The following RPL8 variants were observed in gnomAD, a reference collection of about 807,000 sequenced individuals.
RPL8 encodes the protein ribosomal protein L8, also known as large ribosomal subunit protein uL2.
For missense variants in RPL8, 248 were observed against 365.9 expected, an observed-to-expected ratio of 0.68 and a Z score of 2.63; for synonymous variants, 182 against 143.2, an observed-to-expected ratio of 1.27 and a Z score of -1.94.
chr8:144,790,292 G>A (rs1442900144), intron 4 of RPL8, 63 bp downstream of exon 4: 12 of 1,374,926 alleles, frequency 8.7e-6, no homozygotes, highest in East Asian at 4.6e-5. Flanking sequence ...GATGGGACTT[G>A]CCTACCCAAC....
intron 3 of RPL8, chr8:144,790,987 A>C: frequency 2.0e-6 from 1 of 501,396 alleles, no homozygotes; most frequent in Non-Finnish European, 3.7e-6. Flanking sequence ...AAGGCTGTTA[A>C]CCAACTGCAT....
In RPL8 at chr8:144,792,001, G is replaced by A. The variant is rs751327525; in HGVS notation, c.129C>T (p.Gly43=). The change falls in exon 1 of 5, where the codon GGC becomes GGT. Residue 43 remains glycine, a synonymous_variant. Coordinates refer to ENST00000528957, the MANE Select transcript of RPL8 (RefSeq NM_001317782.2). Reference sequence around the variant, plus strand: ...GGCCAGCGTTCCGCACCTTGACGATGCCCTTGATGTAGCCGTGCCGCTCAG... The same window carrying A: ...GGCCAGCGTTCCGCACCTTGACGATACCCTTGATGTAGCCGTGCCGCTCAG... ...DFAERHGYIK[G]IVKDIIHDPG... is the part of the protein sequence containing the mutation. 73 of 1,608,358 alleles carry A rather than the reference G, an allele frequency of 4.5e-5. No homozygotes were observed. The highest frequency in any genetic ancestry group is 5.6e-5 in the Non-Finnish European group (66 of 1,177,464).
chr8:144,792,366 C>T lies in RPL8; in HGVS notation c.-237G>A, dbSNP rs927567130. Reference sequence around the variant, plus strand: ...CCGCAAGGCCGCAAGGATGACCTACCTGTTCACCAGCGCGGCCGAAAGAGG... The same window carrying T: ...CCGCAAGGCCGCAAGGATGACCTACTTGTTCACCAGCGCGGCCGAAAGAGG... On this transcript the variant is annotated 5_prime_UTR_variant, in exon 1 of 5. Transcript: ENST00000528957. 2 of 673,996 alleles carry T rather than the reference C, an allele frequency of 3.0e-6. No individual in the cohort carries two copies. Among genetic ancestry groups the T allele is most frequent in the East Asian group, 3.5e-5 (1 of 28,228 alleles). The allele number at this position is 673,996 out of a possible 1,614,324, so 41.8% of individuals were successfully genotyped here.
Position 144,791,488 on chromosome 8 carries a change from G to A in RPL8, c.288C>T (p.Leu96=), listed in dbSNP as rs774483559. ...QFVYCGKKAQ[L]NIGNVLPVGT... ...CCACAGGGAGCACATTGCCAATGTT[G>A]AGCTGGGCTGCAAGGGGAAGCAGCA... is the stretch of plus-strand genomic sequence containing the variant. Residue 96 remains leucine, a synonymous_variant, in exon 3 of 5, where the codon CTC becomes CTT. Coordinates refer to ENST00000528957, the MANE Select transcript of RPL8 (RefSeq NM_001317782.2). The A allele has an allele frequency of 3.1e-6, 5 of 1,613,530 alleles. No individual in the cohort carries two copies. Among genetic ancestry groups the A allele is most frequent in the Non-Finnish European group, 4.2e-6 (5 of 1,179,958 alleles).
At position 144,791,987 on chromosome 8, in the gene RPL8, C is replaced by T. The variant is rs1400058311; in HGVS notation, c.138+5G>A. The T allele has an allele frequency of 1.9e-6, 3 of 1,608,664 alleles. No individual in the cohort carries two copies. The highest frequency in any genetic ancestry group is 1.1e-5 in the South Asian group (1 of 90,730). On this transcript the variant is annotated splice_donor_5th_base_variant and intron_variant, in intron 1 of 4. Transcript: ENST00000528957. ...TCCCCTCCCGCCCCGGCCAGCGTTC[C>T]GCACCTTGACGATGCCCTTGATGTA...
At position 144,791,511 on chromosome 8, in the gene RPL8, G is replaced by C. The variant is rs1440799985; in HGVS notation, c.281-16C>G. ...TTGAGCTGGGCTGCAAGGGGAAGCA[G>C]CATCAGGCCGTCAGCACAGTAAGAA... is the stretch of plus-strand genomic sequence containing the variant. On this transcript the variant is annotated splice_polypyrimidine_tract_variant and intron_variant, in intron 2 of 4. Transcript: ENST00000528957. 6.2e-7 allele frequency: 1 copy of C among 1,611,636 alleles called. No homozygotes were observed. Among genetic ancestry groups the C allele is most frequent in the South Asian group, 1.1e-5 (1 of 90,930 alleles).
intron 3 of RPL8, chr8:144,790,724 C>A (rs1170978921): frequency 1.5e-6 from 1 of 671,952 alleles, no homozygotes; most frequent in East Asian, 2.9e-5. Flanking sequence ...AGGGAAGCAC[C>A]CCCCTCACCA....
Position 144,791,290 on chromosome 8 carries a change from G to A in RPL8, c.486C>T (p.Asn162=). 6 of 1,611,572 alleles carry A rather than the reference G, an allele frequency of 3.7e-6. No homozygotes were observed. Among genetic ancestry groups the A allele is most frequent in the African/African-American group, 1.3e-5 (1 of 74,980 alleles). ...CCTGATACTCACCAACCACAGCTCTGTTGGCTGAGGAGATAACCTTCTTGG... is the reference window on the plus strand; with the variant it reads ...CCTGATACTCACCAACCACAGCTCTATTGGCTGAGGAGATAACCTTCTTGG... ...SGSKKVISSA[N]RAVVGVVAGG... The change falls in exon 3 of 5, where the codon AAC becomes AAT. Residue 162 remains asparagine (N), a synonymous_variant. Coordinates refer to ENST00000528957, the MANE Select transcript of RPL8 (RefSeq NM_001317782.2).
At chr8:144,790,010 C>A (rs751235586) in intron 4 of RPL8, 48 bp from the exon 5 acceptor site, 1 of 1,556,622 alleles carries the variant, frequency 6.4e-7, no homozygotes, top group Non-Finnish European at 8.7e-7. Context: ...CCACCACCCC[C>A]GCCCCCGGCC....
intron 3 of RPL8, 59 bp downstream of exon 3, chr8:144,791,218 C>A: frequency 6.6e-7 from 1 of 1,516,092 alleles, no homozygotes; most frequent in Non-Finnish European, 9.1e-7. Context: ...GGCTGTCCAC[C>A]GGCACTCACA....
Position 144,791,713 on chromosome 8 carries a change from C to T in RPL8, c.280+60G>A, listed in dbSNP as rs568961788. 1.2e-4 allele frequency: 197 copies of T among 1,608,622 alleles called. 1 individual carries two copies. The East Asian group carries it at 4.1e-3, about 34-fold the overall frequency. On this transcript the variant is annotated intron_variant, in intron 2 of 4. Transcript: ENST00000528957. The stretch of plus-strand genomic sequence containing the variant: ...CCCATATCGGCTTAGGACGTTAACT[C>T]CTCAGGCAACACCCAGACCCCTCCC...
At chr8:144,791,180 C>A (rs575348811) in intron 3 of RPL8, 97 bp downstream of exon 3, 104 of 1,227,956 alleles carry the variant, frequency 8.5e-5, no homozygotes, top group Admixed American at 1.7e-4. Flanking sequence ...AACAGGTAAT[C>A]GAATTCCAGG....
Position 144,791,975 on chromosome 8 carries a change from C to G in RPL8, c.138+17G>C. ...CCGGGCGTCCCTTCCCCTCCCGCCC[C>G]GGCCAGCGTTCCGCACCTTGACGAT... is the stretch of plus-strand genomic sequence containing the variant. On this transcript the variant is annotated intron_variant, in intron 1 of 4. Transcript: ENST00000528957. 1 of 1,609,082 alleles carries G rather than the reference C, an allele frequency of 6.2e-7. No individual in the cohort carries two copies.
chr8:144,791,224 T>C, intron 3 of RPL8, 53 bp downstream of exon 3: 1 of 1,555,728 alleles, frequency 6.4e-7, no homozygotes. Context: ...CCACCGGCAC[T>C]CACAGCATGT....
intron 4 of RPL8, among the ~76,000 whole-genome samples, 176 bp from the exon 5 acceptor site, chr8:144,790,138 C>A (rs1826448232): frequency 6.6e-6 from 1 of 152,190 alleles, no homozygotes; most frequent in Non-Finnish European, 1.5e-5. Flanking sequence ...CCCCTCCCAG[C>A]CTCCGTTTCT....
At chr8:144,790,262 C>CT in intron 4 of RPL8, 93 bp downstream of exon 4, 1 of 1,065,622 alleles carries the variant, frequency 9.4e-7, no homozygotes, top group Non-Finnish European at 1.4e-6. Flanking sequence ...GTAGATCCCC[C>CT]TCCTGCAGGG....
chr8:144,789,996 T>C (rs1368233981), intron 4 of RPL8, 34 bp from the exon 5 acceptor site: 2 of 1,576,562 alleles, frequency 1.3e-6, no homozygotes, highest in African/African-American at 2.8e-5. Flanking sequence ...TAGAAACCTC[T>C]TCCCCACCAC....
Position 144,792,017 on chromosome 8 carries a change from T to A in RPL8, c.113A>T (p.His38Leu). The change falls in exon 1 of 5, where the codon CAC becomes CTC. Residue 38 changes from histidine (H) to leucine (L), a missense_variant. Physicochemically the swap from His to Leu is moderately conservative, Grantham distance 99. Transcript: ENST00000528957. ...CTTGACGATGCCCTTGATGTAGCCG[T>A]GCCGCTCAGCGAAATCCACGGCGCG... The part of the protein sequence containing the change: ...RLRAVDFAER[H>L]GYIKGIVKDI... 2 of 1,609,248 alleles carry A rather than the reference T, an allele frequency of 1.2e-6. No individual in the cohort carries two copies. The highest frequency in any genetic ancestry group is 1.7e-6 in the Non-Finnish European group (2 of 1,178,140).
At chr8:144,791,524 A>G in intron 2 of RPL8, 29 bp from the exon 3 acceptor site, 1 of 1,608,172 alleles carries the variant, frequency 6.2e-7, no homozygotes, top group Non-Finnish European at 8.5e-7. Context: ...TCAGGCCGTC[A>G]GCACAGTAAG....
Sources: gnomAD v4.1 joint callset for allele counts (sites outside exome capture counted in the v4.1 genomes callset) on GRCh38, gnomAD v4.1.1 for gene constraint, MANE v1.5 for transcripts, NCBI Gene and HGNC (gene_info 2026-07-23, HGNC 2026-07-21) for gene names.